PTH2R: variants seen among roughly 807,000 people sequenced by gnomAD.
PTH2R encodes the protein PTH2 receptor.
A neutral mutation model predicts 60.3 loss-of-function variants in PTH2R; 59 were observed. That is an observed-to-expected ratio of 0.98 (90% confidence interval 0.79 to 1.22). The LOEUF (loss-of-function observed/expected upper bound fraction) is 1.22, where lower values mean the gene tolerates loss of function less well. PTH2R is among the 50% of genes most tolerant of loss of function. The probability of loss-of-function intolerance (pLI) is 0.00; values close to 1 mark genes in which losing one functional copy is unlikely to be tolerated. For synonymous variants in PTH2R, 256 were observed against 243.8 expected (o/e 1.05, Z -0.47); for missense variants, 749 against 682.6 (o/e 1.10, Z -1.08).
At chr2:208,366,078 C>T (rs1700587764) in intron 1 of PTH2R, among the ~76,000 whole-genome samples, 1 of 138,208 alleles carries the variant, frequency 7.2e-6, no homozygotes, top group Admixed American at 7.5e-5. Context: ...CCTCAGTCTC[C>T]CAAAGTTCTG....
intron 1 of PTH2R, among the ~76,000 whole-genome samples, chr2:208,362,497 T>G (rs1420052701): frequency 1.3e-5 from 2 of 152,220 alleles, no homozygotes; most frequent in Non-Finnish European, 2.9e-5. Context: ...CTAATATAGA[T>G]GTCTCATGAT....
intron 10 of PTH2R, among the ~76,000 whole-genome samples, chr2:208,482,189 T>C (rs1333437346): frequency 1.3e-5 from 2 of 152,188 alleles, no homozygotes; most frequent in Non-Finnish European, 2.9e-5. Flanking sequence ...AAGTCCTCGT[T>C]GATTTAGTCC....
intron 1 of PTH2R, among the ~76,000 whole-genome samples, chr2:208,401,136 A>G (rs911375163): frequency 1.1e-4 from 16 of 152,222 alleles, no homozygotes; most frequent in African/African-American, 3.6e-4. Context: ...TATGAATCCT[A>G]TGAAGAAATC....
intron 1 of PTH2R, among the ~76,000 whole-genome samples, chr2:208,407,444 C>G (rs997897173): frequency 6.6e-6 from 1 of 152,192 alleles, no homozygotes; most frequent in Non-Finnish European, 1.5e-5. Flanking sequence ...TTTTCTTACT[C>G]TTAAACTCCG....
intron 11 of PTH2R, 89 bp from the exon 12 acceptor site, chr2:208,490,550 A>G (rs1703379809): frequency 1.5e-6 from 2 of 1,295,292 alleles, no homozygotes; most frequent in Non-Finnish European, 2.2e-6. Flanking sequence ...ATAAAAAACA[A>G]TTTTTGGACG....
chr2:208,421,058 A>G (rs1021704839), intron 1 of PTH2R, among the ~76,000 whole-genome samples: 1 of 152,256 alleles, frequency 6.6e-6, no homozygotes, highest in Non-Finnish European at 1.5e-5. Context: ...ATAAATATCT[A>G]TAATAAATTC....
At chr2:208,444,964 T>C (rs1334664633) in intron 7 of PTH2R, 77 bp downstream of exon 7, 2 of 1,420,354 alleles carry the variant, frequency 1.4e-6, no homozygotes, top group African/African-American at 1.4e-5. Flanking sequence ...ATCATTAGCA[T>C]CCCTACAGCC....
At chr2:208,442,214 T>G in intron 4 of PTH2R, 150 bp from the exon 5 acceptor site, 1 of 630,452 alleles carries the variant, frequency 1.6e-6, no homozygotes, top group East Asian at 2.9e-5. Context: ...AAATGCTCAC[T>G]CCAGATCTCT....
intron 8 of PTH2R, among the ~76,000 whole-genome samples, chr2:208,456,999 G>A (rs2105885048): frequency 6.6e-6 from 1 of 152,252 alleles, no homozygotes; most frequent in African/African-American, 2.4e-5. Context: ...ATTTTATAGA[G>A]CCTGAATTGT....
chr2:208,432,326 G>T (rs1012314220), intron 2 of PTH2R, among the ~76,000 whole-genome samples: 2 of 152,126 alleles, frequency 1.3e-5, no homozygotes, highest in African/African-American at 4.8e-5. Flanking sequence ...TAATAGGGAC[G>T]GCAGGCATCT....
At chr2:208,400,845 T>G (rs1420856341) in intron 1 of PTH2R, among the ~76,000 whole-genome samples, 2 of 152,338 alleles carry the variant, frequency 1.3e-5, no homozygotes, top group East Asian at 3.9e-4. Context: ...GATGTCTCAG[T>G]AAGTATTTAA....
intron 1 of PTH2R, among the ~76,000 whole-genome samples, chr2:208,387,771 C>A (rs144557078): frequency 2.0e-5 from 3 of 152,294 alleles, no homozygotes; most frequent in African/African-American, 4.8e-5. Flanking sequence ...AGTGCAGAGA[C>A]CTGTATGTCT....
chr2:208,410,139 T>C (rs1292027579), intron 1 of PTH2R, among the ~76,000 whole-genome samples: 1 of 152,196 alleles, frequency 6.6e-6, no homozygotes, highest in Non-Finnish European at 1.5e-5. Context: ...CAGAGCCTAC[T>C]AGAAAATCAG....
At chr2:208,422,621 A>G (rs552035564) in intron 1 of PTH2R, among the ~76,000 whole-genome samples, 2 of 152,238 alleles carry the variant, frequency 1.3e-5, no homozygotes, top group East Asian at 3.9e-4. Context: ...AGAATGAGGT[A>G]ATATTTTGTG....
At chr2:208,451,667 CT>C (rs1448025525) in intron 8 of PTH2R, among the ~76,000 whole-genome samples, 3 of 152,082 alleles carry the variant, frequency 2.0e-5, no homozygotes, top group African/African-American at 7.2e-5. Context: ...GTTACCATAT[CT>C]TCTATAGCAG....
At chr2:208,381,348 G>T (rs1461400970) in intron 1 of PTH2R, among the ~76,000 whole-genome samples, 1 of 152,004 alleles carries the variant, frequency 6.6e-6, no homozygotes, top group Admixed American at 6.5e-5. Context: ...CATATTGTCA[G>T]AATTGATATA....
chr2:208,374,702 C>T (rs1273431629), intron 1 of PTH2R, among the ~76,000 whole-genome samples: 2 of 151,948 alleles, frequency 1.3e-5, no homozygotes, highest in Admixed American at 6.6e-5. Flanking sequence ...GATGGGGTTT[C>T]GCCATCTTGG....
At position 208,396,689 on chromosome 2, in the gene PTH2R, C is replaced by T. The variant is rs569067167; in HGVS notation, c.-258-31512C>T. 5.3e-5 allele frequency among the ~76,000 whole-genome samples: 8 copies of T among 152,226 alleles called. No homozygotes were observed. The East Asian group carries it at 5.8e-4, about 11-fold the overall frequency. ...TGGAGAGGATGTGGAGAAATAGGAACGCTTTTACGCTGTTGGTGGGAGTGT... is the reference window on the plus strand; with the variant it reads ...TGGAGAGGATGTGGAGAAATAGGAATGCTTTTACGCTGTTGGTGGGAGTGT... On this transcript the variant is annotated intron_variant, in intron 1 of 12. Transcript: ENST00000617735.
intron 1 of PTH2R, among the ~76,000 whole-genome samples, chr2:208,380,720 G>A (rs1314580547): frequency 1.3e-5 from 2 of 152,108 alleles, no homozygotes; most frequent in African/African-American, 4.8e-5. Flanking sequence ...TCACCCAGGT[G>A]TTGTGGAGTG....
Sources: allele counts gnomAD v4.1 joint callset (sites outside exome capture counted in the v4.1 genomes callset), GRCh38; gene constraint gnomAD v4.1.1; transcripts MANE v1.5; gene names NCBI Gene and HGNC (gene_info 2026-07-23, HGNC 2026-07-21).